COL22A1: variants seen among roughly 807,000 people sequenced by gnomAD.
COL22A1 encodes collagen type XXII alpha 1 chain.
In COL22A1, 221 loss-of-function variants were observed where a neutral mutation model predicts 248.9. That is an observed-to-expected ratio of 0.89 (90% CI 0.80 to 0.99). COL22A1 has a LOEUF of 0.99. Among genes scored for constraint, COL22A1 ranks in the 50% least tolerant of loss-of-function variants. The pLI is 0.00. For synonymous variants in COL22A1, 891 were observed against 793.4 expected (o/e 1.12, Z -2.07); for missense variants, 2,240 against 2,179.0 (o/e 1.03, Z -0.56).
chr8:138,842,073 C>T (rs371826415), intron 4 of COL22A1, among the ~76,000 whole-genome samples: 46 of 152,276 alleles, frequency 3.0e-4, no homozygotes, highest in African/African-American at 1.0e-3. Flanking sequence ...CTTGATGTGG[C>T]AAAACAGTGG....
intron 3 of COL22A1, 134 bp downstream of exon 3, chr8:138,877,616 G>C (rs1006547205): frequency 2.3e-6 from 2 of 883,570 alleles, no homozygotes; most frequent in Non-Finnish European, 3.3e-6. Flanking sequence ...GGTCCCCTCA[G>C]CCTCTGCACC....
chr8:138,649,733 G>A lies in COL22A1; in HGVS notation c.3379C>T (p.Leu1127=), dbSNP rs1372061931. 5.0e-6 allele frequency: 8 copies of A among 1,610,466 alleles called. No individual in the cohort carries two copies. In the Admixed American group the frequency reaches 1.0e-4, roughly 20 times the overall value. Residue 1127 remains leucine, a synonymous_variant, in exon 46 of 65, where the codon CTA becomes TTA. Transcript: ENST00000303045. ...CPPGPPGLPG[L]PGFKGDKGVP... The stretch of plus-strand genomic sequence containing the variant: ...CCTTTGTCCCCTTTAAAACCTGGTA[G>A]ACCAGGGAGGCCTGGGGGGCCAGGA...
At chr8:138,623,634 T>A (rs1410038048) in intron 52 of COL22A1, 98 bp downstream of exon 52, 1 of 1,035,004 alleles carries the variant, frequency 9.7e-7, no homozygotes, top group East Asian at 2.4e-5. Flanking sequence ...AATGCCTATC[T>A]TCGAGACTGG....
chr8:138,601,172 G>A (rs572166494), intron 60 of COL22A1, among the ~76,000 whole-genome samples: 6 of 151,964 alleles, frequency 3.9e-5, no homozygotes, highest in East Asian at 1.9e-4. Flanking sequence ...TCGCATTCTC[G>A]GGGGGGAACA....
At chr8:138,623,262 ATGTGTGTGTGTGTGTG>A (rs5895542) in intron 52 of COL22A1, among the ~76,000 whole-genome samples, 11 of 143,494 alleles carry the variant, frequency 7.7e-5, no homozygotes, top group African/African-American at 1.9e-4. Context: ...ATATATATTT[ATGTGTGTGTGTGTGTG>A]TGTGTGTGTG....
intron 12 of COL22A1, among the ~76,000 whole-genome samples, chr8:138,788,621 T>C (rs1815753767): frequency 6.6e-6 from 1 of 152,174 alleles, no homozygotes; most frequent in African/African-American, 2.4e-5. Flanking sequence ...TCCTGAGGTT[T>C]TAGGAGTTAC....
At chr8:138,676,685 G>C (rs183577021) in intron 40 of COL22A1, 50 bp from the exon 41 acceptor site, 13,169 of 1,302,246 alleles carry the variant, frequency 0.01, 99 homozygotes, top group Non-Finnish European at 0.011. Flanking sequence ...AGGAAGGAGA[G>C]GGCTAGGGTA....
At chr8:138,629,035 T>C (rs1820493519) in intron 50 of COL22A1, among the ~76,000 whole-genome samples, 2 of 151,998 alleles carry the variant, frequency 1.3e-5, no homozygotes, top group African/African-American at 4.8e-5. Context: ...TGGGTCTCGA[T>C]CTCCTGACCT....
Position 138,630,699 on chromosome 8 carries a change from G to A in COL22A1, c.3659C>T (p.Ser1220Leu). The A allele has an allele frequency of 1.2e-6, 2 of 1,613,624 alleles. No homozygotes were observed. Among genetic ancestry groups the A allele is most frequent in the Non-Finnish European group, 1.7e-6 (2 of 1,179,628 alleles). The change falls in exon 50 of 65, where the codon TCA becomes TTA. Residue 1220 changes from serine to leucine, a missense_variant. Ser to Leu is a moderately radical substitution (Grantham distance 145). Transcript: ENST00000303045. ...GAAGPPGIQG[S>L]PGKEGPPGPQ... ...CCCATTCCTTGAGGAACTTACAGGT[G>A]ACCCTTGGATTCCTGGTGGTCCAGC... is the stretch of plus-strand genomic sequence containing the variant.
chr8:138,823,921 T>C (rs1819368170), intron 6 of COL22A1, among the ~76,000 whole-genome samples: 1 of 152,178 alleles, frequency 6.6e-6, no homozygotes, highest in Non-Finnish European at 1.5e-5. Flanking sequence ...AATAAGAGTC[T>C]CTGTAGTTAA....
intron 1 of COL22A1, among the ~76,000 whole-genome samples, chr8:138,900,360 C>T (rs1419798257): frequency 6.6e-6 from 1 of 152,180 alleles, no homozygotes; most frequent in Non-Finnish European, 1.5e-5. Flanking sequence ...TCAGACATCC[C>T]AGTGATTTCA....
At chr8:138,892,568 G>A (rs1447748686) in intron 1 of COL22A1, among the ~76,000 whole-genome samples, 2 of 152,146 alleles carry the variant, frequency 1.3e-5, no homozygotes, top group African/African-American at 4.8e-5. Context: ...TGTTTTCAGG[G>A]GTTAGCTGCC....
intron 51 of COL22A1, among the ~76,000 whole-genome samples, chr8:138,625,652 T>G (rs1820176462): frequency 6.6e-6 from 1 of 152,228 alleles, no homozygotes; most frequent in Non-Finnish European, 1.5e-5. Flanking sequence ...TAAAGAAATT[T>G]TTAAAATGCT....
At chr8:138,885,054 C>A (rs895092535) in intron 1 of COL22A1, among the ~76,000 whole-genome samples, 4 of 152,092 alleles carry the variant, frequency 2.6e-5, no homozygotes, top group Admixed American at 1.3e-4. Context: ...ACAGGGGAAG[C>A]GAGCTGAATG....
chr8:138,815,532 C>T (rs1220525284), intron 7 of COL22A1, among the ~76,000 whole-genome samples: 1 of 152,222 alleles, frequency 6.6e-6, no homozygotes, highest in Non-Finnish European at 1.5e-5. Context: ...TGCTCCTGCG[C>T]TGGCTCCTCA....
intron 7 of COL22A1, among the ~76,000 whole-genome samples, chr8:138,819,962 G>A (rs968639181): frequency 2.0e-5 from 3 of 151,988 alleles, no homozygotes; most frequent in African/African-American, 7.2e-5. Flanking sequence ...AAAGTGCATG[G>A]AGATGTACCC....
In COL22A1 at chr8:138,635,927, C is replaced by G. The variant is rs140575167; in HGVS notation, c.3555+815G>C. Among the ~76,000 whole-genome samples the G allele has an allele frequency of 2.3e-3, 351 of 152,320 alleles. 1 individual carries two copies. The highest frequency in any genetic ancestry group is 7.6e-3 in the Admixed American group (117 of 15,304). ...TCATGTCCCTCATGCCCTCACTGAA[C>G]TGCAAGCCCAGTGAGGTCAGGAGTT... On this transcript the variant is annotated intron_variant, in intron 48 of 64. Transcript: ENST00000303045.
chr8:138,773,666 C>G (rs988158778), intron 16 of COL22A1, among the ~76,000 whole-genome samples: 3 of 152,232 alleles, frequency 2.0e-5, no homozygotes, highest in African/African-American at 4.8e-5. Context: ...GCCCGCTAAA[C>G]TCTTGGGACC....
intron 16 of COL22A1, among the ~76,000 whole-genome samples, chr8:138,774,028 C>T (rs894094312): frequency 6.6e-6 from 1 of 152,152 alleles, no homozygotes; most frequent in Admixed American, 6.5e-5. Context: ...CTCAGTTACT[C>T]CAAATGCCAC....
Sources: gnomAD v4.1 joint callset for allele counts (sites outside exome capture counted in the v4.1 genomes callset) on GRCh38, gnomAD v4.1.1 for gene constraint, MANE v1.5 for transcripts, NCBI Gene and HGNC (gene_info 2026-07-23, HGNC 2026-07-21) for gene names.